MIR17HG: variants seen among roughly 807,000 people sequenced by gnomAD.
MIR17HG encodes miR-17-92a-1 cluster host gene.
At chr13:91,349,485 A>C (rs1037222239) in intron 1 of MIR17HG, among the ~76,000 whole-genome samples, 1 of 152,194 alleles carries the variant, frequency 6.6e-6, no homozygotes, top group African/African-American at 2.4e-5. Flanking sequence ...CTGATAGCTA[A>C]GGATTTTTCA....
chr13:91,348,515 G>A (rs1875085882), intron 1 of MIR17HG, among the ~76,000 whole-genome samples: 1 of 151,370 alleles, frequency 6.6e-6, no homozygotes, highest in Non-Finnish European at 1.5e-5. Flanking sequence ...GGGAGCCCGC[G>A]GTTCCCCAAA....
At chr13:91,354,542 C>T (rs1172695290) in exon 4 of MIR17HG, 1 of 151,980 alleles carries the variant, frequency 6.6e-6, no homozygotes, top group Non-Finnish European at 1.5e-5. Flanking sequence ...AGAAATTGTC[C>T]AGAACGAGAA....
At chr13:91,350,362 C>T in intron 3 of MIR17HG, 1 of 301,340 alleles carries the variant, frequency 3.3e-6, no homozygotes, top group South Asian at 3.0e-5. Flanking sequence ...CCACCACTTC[C>T]AGTGCTAGTT....
intron 3 of MIR17HG, chr13:91,352,463 G>T (rs1875364982): frequency 6.6e-6 from 1 of 152,188 alleles, no homozygotes; most frequent in Non-Finnish European, 1.5e-5. Context: ...GAGTAAAAGA[G>T]GCTATCTTAG....
At chr13:91,350,629 C>T (rs747442018) in intron 3 of MIR17HG, 1 of 534,590 alleles carries the variant, frequency 1.9e-6, no homozygotes. Context: ...AAAGTGCTTA[C>T]AGTGCAGGTA....
chr13:91,354,106 A>G (rs889397981), exon 4 of MIR17HG: 5 of 152,316 alleles, frequency 3.3e-5, no homozygotes, highest in Non-Finnish European at 7.3e-5. Context: ...TAGTTTGTCT[A>G]ACTTTAGAGA....
At chr13:91,348,068 G>C (rs1338605595) in intron 1 of MIR17HG, 1 of 148,996 alleles carries the variant, frequency 6.7e-6, no homozygotes, top group East Asian at 2.0e-4. Flanking sequence ...GCAGCGTGGC[G>C]GCGGCGGCGT....
chr13:91,353,985 A>G (rs1875450803), exon 4 of MIR17HG: 1 of 152,736 alleles, frequency 6.5e-6, no homozygotes, highest in South Asian at 2.1e-4. Flanking sequence ...TAGTTTGAAG[A>G]CACACTGACT....
At chr13:91,351,147 C>A (rs1875292713) in intron 3 of MIR17HG, 1 of 524,082 alleles carries the variant, frequency 1.9e-6, no homozygotes, top group Non-Finnish European at 4.0e-6. Flanking sequence ...AGCTGTAGAA[C>A]TCCAGCTTCG....
At chr13:91,351,082 A>G (rs762585098) in intron 3 of MIR17HG, 5 of 524,580 alleles carry the variant, frequency 9.5e-6, no homozygotes, top group African/African-American at 1.9e-5. Context: ...TAAAGTGCTT[A>G]TAGTGCAGGT....
intron 3 of MIR17HG, among the ~76,000 whole-genome samples, chr13:91,353,780 CTTT>C (rs60480664): frequency 1.5e-5 from 2 of 137,124 alleles, no homozygotes; most frequent in African/African-American, 2.6e-5. Context: ...AATGGGTCAA[CTTT>C]TTTTTTTTTT....
chr13:91,353,625 A>C (rs376450629), intron 3 of MIR17HG, among the ~76,000 whole-genome samples: 1 of 152,366 alleles, frequency 6.6e-6, no homozygotes, highest in African/African-American at 2.4e-5. Flanking sequence ...TGAGTGAGCA[A>C]GTTGATAATG....
At chr13:91,352,160 A>G (rs1309909688) in intron 3 of MIR17HG, 3 of 152,124 alleles carry the variant, frequency 2.0e-5, no homozygotes, top group South Asian at 4.1e-4. Context: ...TATGTTCCCT[A>G]CTCCCTACGT....
At chr13:91,353,989 A>T (rs1875451298) in exon 4 of MIR17HG, 1 of 152,724 alleles carries the variant, frequency 6.5e-6, no homozygotes, top group Non-Finnish European at 1.5e-5. Flanking sequence ...TTGAAGACAC[A>T]CTGACTCCTG....
At chr13:91,351,053 G>T (rs369930907) in intron 3 of MIR17HG, 2 of 525,858 alleles carry the variant, frequency 3.8e-6, no homozygotes, top group Non-Finnish European at 7.9e-6. Flanking sequence ...TCTATCTGAT[G>T]TGACAGCTTC....
rs769790970 is a variant in MIR17HG at position 91,350,647 on chromosome 13, G to T, written n.284+421G>T. On this transcript the variant is annotated intron_variant and non_coding_transcript_variant, in intron 3 of 3. Transcript: ENST00000400282. ...GTGCTTACAGTGCAGGTAGTGATATGTGCATCTACTGCAGTGAAGGCACTT... is the reference window on the plus strand; with the variant it reads ...GTGCTTACAGTGCAGGTAGTGATATTTGCATCTACTGCAGTGAAGGCACTT... The T allele has an allele frequency of 7.5e-6, 4 of 534,610 alleles. No individual in the cohort carries two copies. In the African/African-American group the frequency reaches 7.7e-5, roughly 10 times the overall value. The allele number at this position is 534,610 out of a possible 1,614,324, so 33.1% of individuals were successfully genotyped here.
chr13:91,351,588 A>G (rs1184872255), intron 3 of MIR17HG: 2 of 319,716 alleles, frequency 6.3e-6, no homozygotes, highest in African/African-American at 2.2e-5. Context: ...TTCTGGCTAT[A>G]TTTTTTGTTG....
intron 3 of MIR17HG, chr13:91,351,447 C>A: frequency 2.0e-6 from 1 of 497,076 alleles, no homozygotes; most frequent in Non-Finnish European, 4.3e-6. Context: ...ATTTCGACTT[C>A]CACTGTTAAA....
At chr13:91,351,879 G>A (rs1219727928) in intron 3 of MIR17HG, 1 of 156,722 alleles carries the variant, frequency 6.4e-6, no homozygotes, top group Non-Finnish European at 1.4e-5. Flanking sequence ...GCAAGTACCA[G>A]TTTACCAATA....
Sources: allele counts gnomAD v4.1 joint callset (sites outside exome capture counted in the v4.1 genomes callset), GRCh38; gene constraint gnomAD v4.1.1; transcripts MANE v1.5; gene names NCBI Gene and HGNC (gene_info 2026-07-23, HGNC 2026-07-21).